The following DLD variants were observed in gnomAD, a reference collection of about 807,000 sequenced individuals.
DLD encodes dihydrolipoyl dehydrogenase, mitochondrial.
DLD carries 36 observed loss-of-function variants against 62.2 expected under a neutral mutation model. That is an observed-to-expected ratio of 0.58 (90% confidence interval 0.44 to 0.76). The LOEUF is 0.76. Among genes scored for constraint, DLD ranks in the 30% least tolerant of loss-of-function variants. The pLI, the probability that DLD is intolerant of heterozygous loss-of-function variation, is 0.00. For missense variants in DLD, 541 were observed against 608.6 expected (o/e 0.89, Z 1.17); for synonymous variants, 204 against 199.6 (o/e 1.02, Z -0.19).
intron 2 of DLD, among the ~76,000 whole-genome samples, chr7:107,895,721 T>C (rs1288858332): frequency 6.6e-6 from 1 of 152,212 alleles, no homozygotes. Context: ...TAATGACATC[T>C]ATATATGGAT....
Position 107,919,402 on chromosome 7 carries a change from C to A in DLD, c.*143C>A. On this transcript the variant is annotated 3_prime_UTR_variant, in exon 14 of 14. Coordinates refer to ENST00000205402, the MANE Select transcript of DLD (RefSeq NM_000108.5). ...TTGGAAGGTATTTAATAGGTTTGGACAAAATGGAATACTCTTATATCTATA... is the reference window on the plus strand; with the variant it reads ...TTGGAAGGTATTTAATAGGTTTGGAAAAAATGGAATACTCTTATATCTATA... The A allele has an allele frequency of 1.5e-6, 1 of 668,772 alleles. No homozygotes were observed. The highest frequency in any genetic ancestry group is 2.6e-6 in the Non-Finnish European group (1 of 391,922). 41.4% of individuals were successfully genotyped at this position (668,772 alleles called of 1,614,324 possible).
chr7:107,915,229 C>T (rs2032238077), intron 8 of DLD, among the ~76,000 whole-genome samples: 1 of 152,144 alleles, frequency 6.6e-6, no homozygotes, highest in East Asian at 1.9e-4. Flanking sequence ...TATAAGATCC[C>T]TGAGAACAGA....
At chr7:107,891,167 C>G (rs1193404780), upstream of DLD, 2 of 1,548,680 alleles carry the variant, frequency 1.3e-6, no homozygotes, top group African/African-American at 1.4e-5. Context: ...CCTGTGCATG[C>G]GCAGGGAGGG....
chr7:107,914,988 T>G (rs2032232434), intron 8 of DLD, among the ~76,000 whole-genome samples: 1 of 152,220 alleles, frequency 6.6e-6, no homozygotes, highest in Non-Finnish European at 1.5e-5. Flanking sequence ...GTACTTGCTG[T>G]TTCCCTCTGC....
intron 8 of DLD, among the ~76,000 whole-genome samples, chr7:107,909,764 G>A (rs954372303): frequency 6.7e-6 from 1 of 150,050 alleles, no homozygotes; most frequent in Non-Finnish European, 1.5e-5. Flanking sequence ...CAGTTCCCTT[G>A]TGCTAAGTAA....
intron 12 of DLD, among the ~76,000 whole-genome samples, chr7:107,918,412 C>T (rs541621581): frequency 5.3e-5 from 8 of 152,188 alleles, no homozygotes; most frequent in Non-Finnish European, 1.0e-4. Context: ...CTCTTTTACT[C>T]ATTAATGCCA....
chr7:107,904,742 C>A (rs2031961704), intron 5 of DLD: 4 of 625,438 alleles, frequency 6.4e-6, no homozygotes, highest in South Asian at 6.1e-5. Context: ...GCCTTTTTAC[C>A]CAAGGTAGAC....
At chr7:107,904,903 G>A in intron 5 of DLD, 55 bp from the exon 6 acceptor site, 3 of 1,304,324 alleles carry the variant, frequency 2.3e-6, no homozygotes, top group Non-Finnish European at 3.3e-6. Flanking sequence ...GAAAAACACT[G>A]CATATTGCTT....
Position 107,892,348 on chromosome 7 carries a change from T to G in DLD, c.40-852T>G, listed in dbSNP as rs573661773. Among the ~76,000 whole-genome samples the G allele has an allele frequency of 1.3e-3, 196 of 152,296 alleles. 2 individuals are homozygous for G. The highest frequency in any genetic ancestry group is 9.9e-4 in the Non-Finnish European group (67 of 68,020). On this transcript the variant is annotated intron_variant, in intron 1 of 13. Transcript: ENST00000205402. ...GAACGTAAGTACATTACTTGGTGCA[T>G]TTTCCTAAGTTACCTTGTCTAATTT...
chr7:107,915,700 A>C lies in DLD; in HGVS notation c.875+4A>C. 1 of 1,612,700 alleles carries C rather than the reference A, an allele frequency of 6.2e-7. No individual in the cohort carries two copies. The highest frequency in any genetic ancestry group is 8.5e-7 in the Non-Finnish European group (1 of 1,179,098). On this transcript the variant is annotated splice_donor_region_variant and intron_variant, in intron 9 of 13. Coordinates refer to ENST00000205402, the MANE Select transcript of DLD (RefSeq NM_000108.5). ...CAGATGGAAAAATTGATGTTTCGTA[A>C]GTATACATCATTTGTTTTTGATGTA...
intron 6 of DLD, 79 bp downstream of exon 6, chr7:107,905,137 C>T: frequency 8.7e-7 from 1 of 1,144,944 alleles, no homozygotes; most frequent in Non-Finnish European, 1.3e-6. Context: ...GATATTTGAA[C>T]TTGGTTACAG....
intron 2 of DLD, among the ~76,000 whole-genome samples, chr7:107,901,241 T>C (rs1452562968): frequency 2.0e-5 from 3 of 152,136 alleles, no homozygotes; most frequent in Non-Finnish European, 2.9e-5. Context: ...AATTATCTTA[T>C]TTAATTCTAA....
Position 107,893,250 on chromosome 7 carries a change from G to A in DLD, c.90G>A (p.Val30=). 6.2e-7 allele frequency: 1 copy of A among 1,613,238 alleles called. No individual in the cohort carries two copies. The highest frequency in any genetic ancestry group is 8.5e-7 in the Non-Finnish European group (1 of 1,179,614). The change falls in exon 2 of 14, where the codon GTG becomes GTA. Residue 30 remains valine (V), a synonymous_variant. Transcript: ENST00000205402. ...ATGGCCTACAGGGACTTTCTGCAGTGCCTCTGAGAACTTACGCAGATCAGC... is the reference window on the plus strand; with the variant it reads ...ATGGCCTACAGGGACTTTCTGCAGTACCTCTGAGAACTTACGCAGATCAGC... ...ISHGLQGLSA[V]PLRTYADQPI... is the part of the protein sequence containing the mutation.
chr7:107,892,037 G>A (rs565489456), intron 1 of DLD, among the ~76,000 whole-genome samples: 1 of 152,334 alleles, frequency 6.6e-6, no homozygotes, highest in East Asian at 1.9e-4. Context: ...AAAAGTTAAT[G>A]TAACATTCTG....
rs1049501378 is a variant in DLD at position 107,905,368 on chromosome 7, A to T, written c.446A>T (p.His149Leu). 42 of 1,613,084 alleles carry T rather than the reference A, an allele frequency of 2.6e-5. No individual in the cohort carries two copies. Among genetic ancestry groups the T allele is most frequent in the Non-Finnish European group, 3.5e-5 (41 of 1,179,252 alleles). The change falls in exon 7 of 14, where the codon CAT (histidine) becomes CTT (leucine). Residue 149 changes from histidine to leucine, a missense_variant. Coordinates refer to ENST00000205402, the MANE Select transcript of DLD (RefSeq NM_000108.5). ...AHLFKQNKVV[H>L]VNGYGKITGK... ...AAAGATTATTTTGTAAAGGTTGTTCATGTCAATGGATATGGAAAGATAACT... is the reference window on the plus strand; with the variant it reads ...AAAGATTATTTTGTAAAGGTTGTTCTTGTCAATGGATATGGAAAGATAACT...
In DLD at chr7:107,920,206, G is replaced by C. The variant is rs7777259; in HGVS notation, c.*947G>C. On this transcript the variant is annotated 3_prime_UTR_variant, in exon 14 of 14. Coordinates refer to ENST00000205402, the MANE Select transcript of DLD (RefSeq NM_000108.5). ...GAGTCTTTAATCTGTGTTTTCCTTG[G>C]CTGGGTTAATGACTGTTTATTTAAA... The C allele has an allele frequency of 3.3e-5, 5 of 152,224 alleles. No homozygotes were observed. In the East Asian group the frequency reaches 9.4e-4, roughly 29 times the overall value. 9.4% of individuals were successfully genotyped at this position (152,224 alleles called of 1,614,324 possible). A position where few individuals can be genotyped will look rare whatever the true frequency, so the allele number is the denominator to read the frequency against.
chr7:107,909,073 T>C (rs932302191), intron 8 of DLD, among the ~76,000 whole-genome samples: 9 of 152,222 alleles, frequency 5.9e-5, no homozygotes, highest in Admixed American at 3.9e-4. Context: ...CTTCTTGTAA[T>C]GTAATGCTTT....
At chr7:107,918,592 C>G (rs1270181054) in intron 12 of DLD, among the ~76,000 whole-genome samples, 3 of 152,164 alleles carry the variant, frequency 2.0e-5, no homozygotes, top group African/African-American at 7.2e-5. Flanking sequence ...GAAGCCTTTC[C>G]TACCACTGAG....
At chr7:107,914,628 T>C (rs1192328045) in intron 8 of DLD, among the ~76,000 whole-genome samples, 1 of 152,178 alleles carries the variant, frequency 6.6e-6, no homozygotes, top group African/African-American at 2.4e-5. Context: ...ATTAATGAGA[T>C]TTTTTAAATG....
Sources: allele counts gnomAD v4.1 joint callset (sites outside exome capture counted in the v4.1 genomes callset), GRCh38; gene constraint gnomAD v4.1.1; transcripts MANE v1.5; gene names NCBI Gene and HGNC (gene_info 2026-07-23, HGNC 2026-07-21).